Variants in CASKIN1 observed in about 807,000 individuals in gnomAD.
CASKIN1 encodes the protein caskin-1.
Under a neutral mutation model 117.5 loss-of-function variants are expected in CASKIN1, and 42 were observed. That is an observed-to-expected ratio of 0.36 (90% CI 0.28 to 0.46). CASKIN1 has a LOEUF of 0.46. CASKIN1 is among the 20% of genes least tolerant of loss of function. The pLI is 1.00. For missense variants in CASKIN1, 2,083 were observed against 2,077.3 expected (o/e 1.00, Z -0.05); for synonymous variants, 1,148 against 961.7 (o/e 1.19, Z -3.59).
At chr16:2,186,275 G>A (rs2093184221) in intron 10 of CASKIN1, among the ~76,000 whole-genome samples, 1 of 152,176 alleles carries the variant, frequency 6.6e-6, no homozygotes, top group Non-Finnish European at 1.5e-5. Context: ...GGCGCCGCCG[G>A]CTTTTAACGC....
Position 2,187,014 on chromosome 16 carries a change from C to G in CASKIN1, c.894G>C (p.Leu298=). 6.2e-7 allele frequency: 1 copy of G among 1,613,732 alleles called. No homozygotes were observed. Among genetic ancestry groups the G allele is most frequent in the Non-Finnish European group, 8.5e-7 (1 of 1,179,908 alleles). Residue 298 remains leucine, a synonymous_variant, in exon 9 of 20, where the codon CTG becomes CTC. Coordinates refer to ENST00000343516, the MANE Select transcript of CASKIN1 (RefSeq NM_020764.4). ...CCCCTGCCTTCACGTTGAGGCTGGT[C>G]AGGTCGTAATTGTTGCAATAATCCT... ...ATKDYCNNYD[L]TSLNVKAGDI...
intron 17 of CASKIN1, 83 bp from the exon 18 acceptor site, chr16:2,181,682 TTGGGGCCCAGCTTGGGGC>T (rs2093168678): frequency 3.8e-6 from 4 of 1,065,506 alleles, no homozygotes; most frequent in African/African-American, 2.2e-5. Flanking sequence ...TGGGCTGGGC[TTGGGGCCCAGCTTGGGGC>T]TGGGGCGGGG....
Position 2,189,316 on chromosome 16 carries a change from C to T in CASKIN1, c.408G>A (p.Gln136=), listed in dbSNP as rs372635078. 6.2e-7 allele frequency: 1 copy of T among 1,613,012 alleles called. No individual in the cohort carries two copies. The highest frequency in any genetic ancestry group is 8.5e-7 in the Non-Finnish European group (1 of 1,179,916). Reference sequence around the variant, plus strand: ...CCACCATGCACGGGTTAGACTGGTGCTGTAGCAGCATCTCAGACTGGGGGC... The same window carrying T: ...CCACCATGCACGGGTTAGACTGGTGTTGTAGCAGCATCTCAGACTGGGGGC... The part of the protein sequence containing the change: ...GHYDVSEMLL[Q]HQSNPCMVDN... The change falls in exon 5 of 20, where the codon CAG becomes CAA. Residue 136 remains glutamine (Q), a synonymous_variant. Transcript: ENST00000343516.
At chr16:2,187,328 C>A (rs777061153) in intron 7 of CASKIN1, 25 bp downstream of exon 7, 1 of 1,613,248 alleles carries the variant, frequency 6.2e-7, no homozygotes, top group Non-Finnish European at 8.5e-7. Flanking sequence ...CCACTGGGCC[C>A]AGCGCCCCTG....
At chr16:2,189,670 G>A (rs2093195422) in intron 3 of CASKIN1, 106 bp from the exon 4 acceptor site, 1 of 1,132,546 alleles carries the variant, frequency 8.8e-7, no homozygotes, top group Non-Finnish European at 1.2e-6. Context: ...CAACCCTGGG[G>A]GGTGGGAGGG....
chr16:2,187,303 A>G (rs778462167), intron 7 of CASKIN1, 29 bp from the exon 8 acceptor site: 2 of 1,613,248 alleles, frequency 1.2e-6, no homozygotes, highest in Non-Finnish European at 1.7e-6. Flanking sequence ...AGGCTCTGTC[A>G]GGAGCCCCTA....
At chr16:2,183,573 G>A in intron 16 of CASKIN1, 73 bp downstream of exon 16, 2 of 1,468,890 alleles carry the variant, frequency 1.4e-6, no homozygotes, top group Admixed American at 1.8e-5. Flanking sequence ...GTTGTGGCCA[G>A]GGAGGCAGGT....
At chr16:2,194,775 C>T (rs35843895) in intron 1 of CASKIN1, among the ~76,000 whole-genome samples, 9,492 of 152,180 alleles carry the variant, frequency 0.062, 412 homozygotes, top group Non-Finnish European at 0.084. Flanking sequence ...GTGGAAGCCC[C>T]CACACCTCCC....
At chr16:2,195,978 G>T (rs1274894645) in intron 1 of CASKIN1, among the ~76,000 whole-genome samples, 5 of 151,926 alleles carry the variant, frequency 3.3e-5, no homozygotes, top group Admixed American at 2.6e-4. Context: ...GTGGGTGGGG[G>T]GGGCATCCGC....
At chr16:2,194,402 G>A (rs764579523) in intron 1 of CASKIN1, among the ~76,000 whole-genome samples, 2 of 152,124 alleles carry the variant, frequency 1.3e-5, no homozygotes, top group Non-Finnish European at 2.9e-5. Context: ...AGGGCAGGGC[G>A]AGTCGGGGGC....
chr16:2,179,391 C>T lies in CASKIN1; in HGVS notation c.3776-66G>A. 1 of 1,338,350 alleles carries T rather than the reference C, an allele frequency of 7.5e-7. No homozygotes were observed. The highest frequency in any genetic ancestry group is 1.5e-5 in the African/African-American group (1 of 64,918). 82.9% of individuals were successfully genotyped at this position (1,338,350 alleles called of 1,614,324 possible). On this transcript the variant is annotated intron_variant, in intron 18 of 19. Coordinates refer to ENST00000343516, the MANE Select transcript of CASKIN1 (RefSeq NM_020764.4). This position sits in a 1 kb window ranked among gnomAD's most constrained non-coding sequence, Gnocchi z 5.8. Reference sequence around the variant, plus strand: ...CCGCCGCCGCGCCCCCTGCCCCAGCCTCCCGCGGCTTCCTCCCCAGCGGAC... The same window carrying T: ...CCGCCGCCGCGCCCCCTGCCCCAGCTTCCCGCGGCTTCCTCCCCAGCGGAC...
intron 14 of CASKIN1, 53 bp downstream of exon 14, chr16:2,184,724 G>A (rs1236073331): frequency 7.1e-7 from 1 of 1,413,952 alleles, no homozygotes; most frequent in Non-Finnish European, 9.3e-7. Flanking sequence ...CAGCCCATCG[G>A]CCTTACAGCC....
Position 2,178,621 on chromosome 16 carries a change from C to T in CASKIN1, c.4225G>A (p.Gly1409Ser). The T allele has an allele frequency of 6.3e-7, 1 of 1,595,940 alleles. No homozygotes were observed. Among genetic ancestry groups the T allele is most frequent in the Non-Finnish European group, 8.5e-7 (1 of 1,175,840 alleles). Reference sequence around the variant, plus strand: ...CTGCCGATGTCGTCCAGGATGCTGCCAGTGCTCTTTTCCGCCGCCGAGTCG... The same window carrying T: ...CTGCCGATGTCGTCCAGGATGCTGCTAGTGCTCTTTTCCGCCGCCGAGTCG... ...PRDSAAEKST[G>S]SILDDIGSMF... Residue 1409 changes from glycine (G) to serine (S), a missense_variant, in exon 20 of 20, where the codon GGC (glycine) becomes AGC (serine). Transcript: ENST00000343516.
At chr16:2,181,765 G>A (rs757749489) in intron 17 of CASKIN1, 26 bp downstream of exon 17, 10 of 1,608,046 alleles carry the variant, frequency 6.2e-6, no homozygotes, top group Middle Eastern at 3.4e-4. Flanking sequence ...TTGGGCTGGG[G>A]ACGAGGGCTG....
chr16:2,188,718 G>A, intron 6 of CASKIN1, among the ~76,000 whole-genome samples: 1 of 152,180 alleles, frequency 6.6e-6, no homozygotes, highest in Non-Finnish European at 1.5e-5. Flanking sequence ...CTTGTCTGAT[G>A]CTAGTGTAGG....
At position 2,178,074 on chromosome 16, in the gene CASKIN1, C is replaced by T. The variant is rs962874949; in HGVS notation, c.*476G>A. On this transcript the variant is annotated 3_prime_UTR_variant, in exon 20 of 20. Transcript: ENST00000343516. The stretch of plus-strand genomic sequence containing the variant: ...TTGTTAAAGTTATACCTTTTTGTTT[C>T]TCTGGGGAAATCCGCCTCAGCTCAT... 1.4e-5 allele frequency: 7 copies of T among 486,874 alleles called. No individual in the cohort carries two copies. Among genetic ancestry groups the T allele is most frequent in the African/African-American group, 4.0e-5 (2 of 49,876 alleles). The allele number at this position is 486,874 out of a possible 1,614,324, so 30.2% of individuals were successfully genotyped here.
intron 9 of CASKIN1, 69 bp from the exon 10 acceptor site, chr16:2,186,893 C>A (rs2093186432): frequency 6.2e-7 from 1 of 1,603,482 alleles, no homozygotes; most frequent in Non-Finnish European, 8.5e-7. Context: ...CAGTGCCCCC[C>A]AGTTGCGGCG....
At chr16:2,194,568 C>T (rs2093210483) in intron 1 of CASKIN1, among the ~76,000 whole-genome samples, 3 of 152,224 alleles carry the variant, frequency 2.0e-5, no homozygotes, top group Non-Finnish European at 4.4e-5. Flanking sequence ...CCAAACTCAG[C>T]TGTACTTTAC....
In CASKIN1 at chr16:2,178,076, C is replaced by T. The variant is rs1050013762; in HGVS notation, c.*474G>A. 6.6e-5 allele frequency: 32 copies of T among 487,968 alleles called. No individual in the cohort carries two copies. The highest frequency in any genetic ancestry group is 5.6e-4 in the African/African-American group (28 of 50,116). The allele number at this position is 487,968 out of a possible 1,614,324, so 30.2% of individuals were successfully genotyped here. A position where few individuals can be genotyped will look rare whatever the true frequency, so the allele number is the denominator to read the frequency against. On this transcript the variant is annotated 3_prime_UTR_variant, in exon 20 of 20. Coordinates refer to ENST00000343516, the MANE Select transcript of CASKIN1 (RefSeq NM_020764.4). ...GTTAAAGTTATACCTTTTTGTTTCT[C>T]TGGGGAAATCCGCCTCAGCTCATTC...
Sources: allele counts gnomAD v4.1 joint callset (sites outside exome capture counted in the v4.1 genomes callset), GRCh38; gene constraint gnomAD v4.1.1; non-coding constraint Gnocchi (gnomAD v3.1); transcripts MANE v1.5; gene names NCBI Gene and HGNC (gene_info 2026-07-23, HGNC 2026-07-21).